The following RFX6 variants were observed in gnomAD, a reference collection of about 807,000 sequenced individuals.
The protein encoded by RFX6 is DNA-binding protein RFX6.
In RFX6, 50 loss-of-function variants were observed where a neutral mutation model predicts 110.8. The observed-to-expected ratio is 0.45, with a 90% CI of 0.36 to 0.57. The LOEUF (loss-of-function observed/expected upper bound fraction) is 0.57. RFX6 is among the 20% of genes least tolerant of loss of function. RFX6 has a pLI of 0.00. For missense variants in RFX6, 990 were observed against 1,127.0 expected (o/e 0.88, Z 1.74); for synonymous variants, 383 against 411.2 (o/e 0.93, Z 0.83).
intron 6 of RFX6, among the ~76,000 whole-genome samples, chr6:116,906,799 T>C (rs988716497): frequency 4.0e-5 from 6 of 151,618 alleles, no homozygotes; most frequent in African/African-American, 1.5e-4. Flanking sequence ...TAAGATTATA[T>C]CATCTGTGAA....
At chr6:116,904,287 T>C (rs895538941) in intron 6 of RFX6, among the ~76,000 whole-genome samples, 8 of 152,110 alleles carry the variant, frequency 5.3e-5, no homozygotes, top group African/African-American at 1.7e-4. Flanking sequence ...GTAAGTTATG[T>C]GTTGTAAATA....
chr6:116,895,113 T>C (rs1442830010), intron 5 of RFX6, 67 bp from the exon 6 acceptor site: 2 of 833,348 alleles, frequency 2.4e-6, no homozygotes, highest in Non-Finnish European at 4.2e-6. Context: ...TTAGGTTGTC[T>C]ACATATCATT....
At chr6:116,931,253 G>T in intron 18 of RFX6, 78 bp from the exon 19 acceptor site, 4 of 1,017,160 alleles carry the variant, frequency 3.9e-6, no homozygotes, top group Non-Finnish European at 6.2e-6. Flanking sequence ...TAAATACAGG[G>T]TATTAAAATG....
At chr6:116,909,694 A>T (rs1775289468) in intron 6 of RFX6, among the ~76,000 whole-genome samples, 1 of 149,274 alleles carries the variant, frequency 6.7e-6, no homozygotes, top group South Asian at 2.1e-4. Flanking sequence ...ATTTTTAAAA[A>T]TGAATTTCTA....
intron 4 of RFX6, 54 bp downstream of exon 4, chr6:116,882,482 C>T: frequency 8.0e-7 from 1 of 1,249,512 alleles, no homozygotes; most frequent in East Asian, 2.3e-5. Context: ...AAGATTGACA[C>T]AGATGTAAAA....
rs758597228 is a variant in RFX6, at chr6:116,920,339, T to A, written c.1212T>A (p.His404Gln). ...CCAGACCAGCTCTCTTTGACCAGCA[T>A]GTCGTTAATTCTATGGTGTCTGATA... ...QIARPALFDQ[H>Q]VVNSMVSDIE... Residue 404 changes from histidine to glutamine, a missense_variant, in exon 12 of 19, where the codon CAT (histidine) becomes CAA (glutamine). Around this residue, in one of 5 missense-constraint regions of RFX6, gnomAD observed 243 missense variants for 353.1 expected, o/e 0.69. Transcript: ENST00000332958. 55 of 1,612,198 alleles carry A rather than the reference T, an allele frequency of 3.4e-5. No individual in the cohort carries two copies. Among genetic ancestry groups the A allele is most frequent in the Middle Eastern group, 1.7e-4 (1 of 6,056 alleles).
chr6:116,891,252 A>G (rs1562135001), intron 4 of RFX6, among the ~76,000 whole-genome samples: 1 of 152,154 alleles, frequency 6.6e-6, no homozygotes, highest in Non-Finnish European at 1.5e-5. Flanking sequence ...ATCTGCTCTA[A>G]TATTTTTTGA....
At chr6:116,892,422 C>T (rs1384539149) in intron 4 of RFX6, among the ~76,000 whole-genome samples, 3 of 152,242 alleles carry the variant, frequency 2.0e-5, no homozygotes, top group African/African-American at 7.2e-5. Flanking sequence ...CCCTGTTCAA[C>T]TCCCCAGGCC....
Position 116,882,535 on chromosome 6 carries a change from T to C in RFX6, c.566+107T>C, listed in dbSNP as rs1017682152. 3 of 805,640 alleles carry C rather than the reference T, an allele frequency of 3.7e-6. No homozygotes were observed. In the Admixed American group the frequency reaches 5.7e-5, roughly 15 times the overall value. 49.9% of individuals were successfully genotyped at this position (805,640 alleles called of 1,614,324 possible). On this transcript the variant is annotated intron_variant, in intron 4 of 18. Coordinates refer to ENST00000332958, the MANE Select transcript of RFX6 (RefSeq NM_173560.4). ...AGTACAAAGAGAACCAGGTATTCTC[T>C]TGATGAAGCAGACTTTTATCAACTG...
At chr6:116,908,038 T>A (rs1476790905) in intron 6 of RFX6, among the ~76,000 whole-genome samples, 1 of 152,124 alleles carries the variant, frequency 6.6e-6, no homozygotes, top group Non-Finnish European at 1.5e-5. Flanking sequence ...CCTTTTAAAA[T>A]TTAGAGTCTA....
intron 3 of RFX6, among the ~76,000 whole-genome samples, chr6:116,881,050 T>C (rs1306414808): frequency 2.0e-5 from 3 of 152,078 alleles, no homozygotes; most frequent in African/African-American, 7.2e-5. Flanking sequence ...TCCAAATATA[T>C]GAGTTTTTAA....
At chr6:116,894,110 AT>A in intron 5 of RFX6, 46 bp downstream of exon 5, 1 of 945,582 alleles carries the variant, frequency 1.1e-6, no homozygotes, top group Non-Finnish European at 1.8e-6. Context: ...GTTTCTTTAA[AT>A]ATGCATGATA....
At chr6:116,880,769 A>G in intron 3 of RFX6, 102 bp downstream of exon 3, 1 of 1,311,190 alleles carries the variant, frequency 7.6e-7, no homozygotes, top group Non-Finnish European at 1.1e-6. Flanking sequence ...GAGAATATTG[A>G]GACATTTGTT....
chr6:116,877,475 A>C lies in RFX6; in HGVS notation c.200A>C (p.Glu67Ala). Residue 67 changes from glutamate (E) to alanine (A), a missense_variant, in exon 1 of 19, where the codon GAG becomes GCG. By Grantham distance (107) the Glu-to-Ala change is moderately radical. This residue lies in a region of RFX6 where 175 missense variants were observed against 162.3 expected (regional missense o/e 1.08). Coordinates refer to ENST00000332958, the MANE Select transcript of RFX6 (RefSeq NM_173560.4). ...QGGGEKGEDP[E>A]LPGAVKSEMH... ...GGCGGGGAGAAAGGCGAAGACCCGGAGCTGCCGGGGGCAGTGAAATCAGGT... is the reference window on the plus strand; with the variant it reads ...GGCGGGGAGAAAGGCGAAGACCCGGCGCTGCCGGGGGCAGTGAAATCAGGT... 1 of 1,562,140 alleles carries C rather than the reference A, an allele frequency of 6.4e-7. No homozygotes were observed. The highest frequency in any genetic ancestry group is 8.7e-7 in the Non-Finnish European group (1 of 1,152,676).
intron 3 of RFX6, 143 bp from the exon 4 acceptor site, chr6:116,882,224 A>G: frequency 4.3e-6 from 3 of 696,208 alleles, no homozygotes; most frequent in East Asian, 2.8e-5. Flanking sequence ...CAATATGTGT[A>G]AGTTATTACT....
At chr6:116,907,126 C>A (rs1425327090) in intron 6 of RFX6, among the ~76,000 whole-genome samples, 1 of 131,154 alleles carries the variant, frequency 7.6e-6, no homozygotes, top group African/African-American at 3.1e-5. Flanking sequence ...ATGAGATTAT[C>A]ATTTTTTTAT....
At chr6:116,882,649 T>G (rs1231630942) in intron 4 of RFX6, among the ~76,000 whole-genome samples, 2 of 152,104 alleles carry the variant, frequency 1.3e-5, no homozygotes, top group African/African-American at 4.8e-5. Flanking sequence ...TTATTTCTGC[T>G]GAAATAATTT....
chr6:116,906,876 C>G (rs1254417861), intron 6 of RFX6, among the ~76,000 whole-genome samples: 1 of 145,540 alleles, frequency 6.9e-6, no homozygotes, highest in Non-Finnish European at 1.5e-5. Flanking sequence ...TTTTTTTTGC[C>G]TAACTACTCT....
At chr6:116,893,909 T>A in intron 4 of RFX6, 78 bp from the exon 5 acceptor site, 1 of 843,064 alleles carries the variant, frequency 1.2e-6, no homozygotes, top group South Asian at 1.3e-5. Flanking sequence ...CATGGTTATG[T>A]CAGTTATACC....
Sources: gnomAD v4.1 joint callset for allele counts (sites outside exome capture counted in the v4.1 genomes callset) on GRCh38, gnomAD v4.1.1 for gene constraint, gnomAD v4.1.1 regional missense constraint, MANE v1.5 for transcripts, NCBI Gene and HGNC (gene_info 2026-07-23, HGNC 2026-07-21) for gene names.